The following ADGB variants were observed in gnomAD, a reference collection of about 807,000 sequenced individuals.
ADGB encodes the protein calpain-7-like protein.
ADGB carries 172 observed loss-of-function variants against 210.5 expected under a neutral mutation model. The ratio of observed to expected loss-of-function variants is 0.82; its 90% CI spans 0.72 to 0.93. The LOEUF is 0.93. Ranked by LOEUF, ADGB falls within the 40% of genes least tolerant of loss-of-function variation. ADGB has a pLI of 0.00. For synonymous variants in ADGB, 658 were observed against 662.7 expected, an observed-to-expected ratio of 0.99 and a Z score of 0.11; for missense variants, 2,025 against 1,964.8, an observed-to-expected ratio of 1.03 and a Z score of -0.58.
intron 12 of ADGB, among the ~76,000 whole-genome samples, chr6:146,699,072 T>C (rs1776450955): frequency 6.6e-6 from 1 of 152,146 alleles, no homozygotes; most frequent in Non-Finnish European, 1.5e-5. Flanking sequence ...AGCTACCCAT[T>C]GTTTTAGTCA....
At chr6:146,731,229 C>T (rs1324455013) in intron 20 of ADGB, among the ~76,000 whole-genome samples, 1 of 152,086 alleles carries the variant, frequency 6.6e-6, no homozygotes, top group South Asian at 2.1e-4. Context: ...GAAATATTTG[C>T]CATAATTCAC....
chr6:146,814,904 A>G, intron 35 of ADGB, 128 bp from the exon 36 acceptor site: 2 of 843,738 alleles, frequency 2.4e-6, no homozygotes, highest in Non-Finnish European at 1.8e-6. Context: ...ACTAATTTTC[A>G]TCTTCAATCA....
chr6:146,740,490 G>A lies in ADGB; in HGVS notation c.2920G>A (p.Glu974Lys). 6.5e-7 allele frequency: 1 copy of A among 1,546,930 alleles called. No individual in the cohort carries two copies. The change falls in exon 24 of 36, where the codon GAA becomes AAA. Residue 974 changes from glutamate (E) to lysine (K), a missense_variant. Transcript: ENST00000397944. ...GTTTAAAAGCAAGTGCAAGTCTTTG[G>A]AATCTTATCCATGCTATCAAGATGA... Reference protein sequence around the residue: ...LMFKSKCKSLESYPCYQDEET... With the variant: ...LMFKSKCKSLKSYPCYQDEET...
chr6:146,671,702 G>T (rs757290963), intron 7 of ADGB, among the ~76,000 whole-genome samples: 1 of 152,142 alleles, frequency 6.6e-6, no homozygotes, highest in Non-Finnish European at 1.5e-5. Context: ...ATTGTCAACA[G>T]TGAGCAGAAG....
At chr6:146,807,141 T>C (rs1778223431) in intron 35 of ADGB, among the ~76,000 whole-genome samples, 1 of 152,228 alleles carries the variant, frequency 6.6e-6, no homozygotes, top group Non-Finnish European at 1.5e-5. Context: ...AGAATACCTT[T>C]GGTAAAAAAA....
intron 10 of ADGB, among the ~76,000 whole-genome samples, chr6:146,690,087 T>G (rs1776281497): frequency 6.6e-6 from 1 of 152,164 alleles, no homozygotes; most frequent in African/African-American, 2.4e-5. Flanking sequence ...AACTCCTTCT[T>G]AAAATTATTA....
intron 19 of ADGB, among the ~76,000 whole-genome samples, chr6:146,727,880 C>A (rs899349500): frequency 6.6e-6 from 1 of 152,224 alleles, no homozygotes; most frequent in Non-Finnish European, 1.5e-5. Context: ...AGCAAGGCAT[C>A]TGTGCTTCAG....
chr6:146,732,133 A>G (rs994265557), intron 20 of ADGB, among the ~76,000 whole-genome samples: 1 of 152,188 alleles, frequency 6.6e-6, no homozygotes, highest in Non-Finnish European at 1.5e-5. Context: ...GTTCCAGACT[A>G]TTCTCAGTGA....
chr6:146,649,554 G>A (rs989936609), intron 3 of ADGB, among the ~76,000 whole-genome samples: 7 of 150,624 alleles, frequency 4.6e-5, no homozygotes, highest in Admixed American at 6.6e-5. Context: ...TCAGTGGCAT[G>A]ATCACATCTC....
In ADGB at chr6:146,604,966, T is replaced by C. The variant is rs372225489; in HGVS notation, c.74+5852T>C. Among the ~76,000 whole-genome samples the C allele has an allele frequency of 5.3e-5, 8 of 152,242 alleles. 1 individual carries two copies. In the East Asian group the frequency reaches 1.5e-3, roughly 29 times the overall value. The stretch of plus-strand genomic sequence containing the variant: ...ATTGCTTCTGTCTAATAGCCACTCT[T>C]CAATTTCAAAAGGCACAGGTTAGTG... On this transcript the variant is annotated intron_variant, in intron 1 of 35. Coordinates refer to ENST00000397944, the MANE Select transcript of ADGB (RefSeq NM_024694.4).
At chr6:146,699,394 G>A (rs1776456134) in intron 12 of ADGB, among the ~76,000 whole-genome samples, 1 of 152,110 alleles carries the variant, frequency 6.6e-6, no homozygotes, top group African/African-American at 2.4e-5. Flanking sequence ...CAGAAGCCCT[G>A]GACTTTTGAT....
At chr6:146,637,491 G>T (rs370290545) in intron 2 of ADGB, among the ~76,000 whole-genome samples, 2 of 151,974 alleles carry the variant, frequency 1.3e-5, no homozygotes, top group African/African-American at 4.8e-5. Context: ...AATAAAAAAC[G>T]ATTTAATGGT....
intron 6 of ADGB, 157 bp downstream of exon 6, chr6:146,664,497 A>C (rs573952871): frequency 1.5e-6 from 1 of 688,240 alleles, no homozygotes; most frequent in South Asian, 3.4e-5. Flanking sequence ...ATACGCCAAA[A>C]CCACTGATTT....
intron 25 of ADGB, among the ~76,000 whole-genome samples, chr6:146,744,836 C>T (rs1777206913): frequency 6.6e-6 from 1 of 152,138 alleles, no homozygotes; most frequent in African/African-American, 2.4e-5. Context: ...CTAATCCCAC[C>T]ATTTAATAAC....
At chr6:146,806,258 T>G (rs1459033694) in intron 35 of ADGB, among the ~76,000 whole-genome samples, 1 of 152,224 alleles carries the variant, frequency 6.6e-6, no homozygotes, top group East Asian at 1.9e-4. Context: ...GAGAGAGCCC[T>G]AGTTTTGATT....
At chr6:146,805,670 A>C (rs1469225697) in intron 35 of ADGB, among the ~76,000 whole-genome samples, 1 of 151,674 alleles carries the variant, frequency 6.6e-6, no homozygotes, top group African/African-American at 2.4e-5. Context: ...CTTTGACCTC[A>C]CTCCTCTCTC....
At chr6:146,776,521 T>C (rs1777724779) in intron 29 of ADGB, among the ~76,000 whole-genome samples, 1 of 152,180 alleles carries the variant, frequency 6.6e-6, no homozygotes, top group Non-Finnish European at 1.5e-5. Flanking sequence ...TTTTATTCTG[T>C]ATATTAAGAA....
intron 32 of ADGB, among the ~76,000 whole-genome samples, chr6:146,787,665 AC>A (rs1777893545): frequency 2.7e-5 from 1 of 37,270 alleles, no homozygotes; most frequent in Admixed American, 3.1e-4. Flanking sequence ...TCCTATTGCC[AC>A]CTTTCTTATT....
intron 1 of ADGB, among the ~76,000 whole-genome samples, chr6:146,626,409 CT>C (rs1334952647): frequency 6.6e-6 from 1 of 151,706 alleles, no homozygotes; most frequent in Non-Finnish European, 1.5e-5. Context: ...CATTTTTCTT[CT>C]GCTTGAGGCC....
Sources: allele counts gnomAD v4.1 joint callset (sites outside exome capture counted in the v4.1 genomes callset), GRCh38; gene constraint gnomAD v4.1.1; transcripts MANE v1.5; gene names NCBI Gene and HGNC (gene_info 2026-07-23, HGNC 2026-07-21).